The following MNDA variants were observed in gnomAD, a reference collection of about 807,000 sequenced individuals.
MNDA encodes the protein epididymis secretory sperm binding protein.
In MNDA, 43 loss-of-function variants were observed where a neutral mutation model predicts 37.8. The ratio of observed to expected loss-of-function variants is 1.14; its 90% CI spans 0.89 to 1.47. The LOEUF (loss-of-function observed/expected upper bound fraction) is 1.47. Ranked by LOEUF, MNDA falls within the 40% of genes most tolerant of loss-of-function variation. MNDA has a pLI of 0.00. For synonymous variants in MNDA, 181 were observed against 169.0 expected, an observed-to-expected ratio of 1.07 and a Z score of -0.55; for missense variants, 536 against 476.0, an observed-to-expected ratio of 1.13 and a Z score of -1.17.
Position 158,845,695 on chromosome 1 carries a change from TC to T in MNDA, c.683del (p.Pro228GlnfsTer22). The T allele has an allele frequency of 6.2e-7, 1 of 1,613,648 alleles. No individual in the cohort carries two copies. The highest frequency in any genetic ancestry group is 1.1e-5 in the South Asian group (1 of 91,056). The stretch of plus-strand genomic sequence containing the variant: ...AGCAACAGCGCCATTTAAATACGAG[TC>T]CCCAGAAAATGGGAAAAGCACAATG... Reference protein sequence around the residue: ...LKATAPFKYESPENGKSTMFH... With the variant: ...LKATAPFKYEXPENGKSTMFH... On this transcript the variant is annotated frameshift_variant, in exon 5 of 7. Transcript: ENST00000368141. LOFTEE classifies it high-confidence loss of function.
rs1361192281 is a variant in MNDA at position 158,845,911 on chromosome 1, A to T, written c.895A>T (p.Ile299Phe). 1 of 1,614,152 alleles carries T rather than the reference A, an allele frequency of 6.2e-7. No homozygotes were observed. The highest frequency in any genetic ancestry group is 8.5e-7 in the Non-Finnish European group (1 of 1,180,008). ...FNQNFEVPNR[I>F]IEIANKTPKI... ...TCAAAATTTTGAGGTCCCAAACAGA[A>T]TTATCGAAATAGCAAATAAAACTCC... The change falls in exon 5 of 7, where the codon ATT becomes TTT. Residue 299 changes from isoleucine to phenylalanine, a missense_variant. Coordinates refer to ENST00000368141, the MANE Select transcript of MNDA (RefSeq NM_002432.3).
chr1:158,837,819 G>T (rs1658948924), intron 1 of MNDA, among the ~76,000 whole-genome samples: 1 of 148,430 alleles, frequency 6.7e-6, no homozygotes, highest in African/African-American at 2.5e-5. Context: ...ACTTCTTTTT[G>T]TTGATTTTTT....
At chr1:158,840,856 A>C (rs1235207673) in intron 1 of MNDA, among the ~76,000 whole-genome samples, 1 of 152,188 alleles carries the variant, frequency 6.6e-6, no homozygotes, top group Non-Finnish European at 1.5e-5. Flanking sequence ...AGGTTTAAAC[A>C]CAGGAACACT....
chr1:158,835,681 C>T (rs530656724), intron 1 of MNDA, among the ~76,000 whole-genome samples: 2 of 151,442 alleles, frequency 1.3e-5, no homozygotes, highest in African/African-American at 4.8e-5. Context: ...AAAAATCATC[C>T]TTGTCTTTTT....
At chr1:158,842,107 ATGT>A (rs760065749) in intron 1 of MNDA, 24 bp from the exon 2 acceptor site, 2 of 1,545,674 alleles carry the variant, frequency 1.3e-6, no homozygotes, top group South Asian at 2.5e-5. Context: ...TAAATGTGTA[ATGT>A]TGTGTGTCAT....
At chr1:158,833,409 T>C (rs1032943699) in intron 1 of MNDA, among the ~76,000 whole-genome samples, 1 of 152,220 alleles carries the variant, frequency 6.6e-6, no homozygotes, top group Admixed American at 6.5e-5. Context: ...ATTCATATTG[T>C]TGTGCAACCA....
chr1:158,837,015 C>T (rs1658929562), intron 1 of MNDA, among the ~76,000 whole-genome samples: 2 of 151,462 alleles, frequency 1.3e-5, no homozygotes, highest in Admixed American at 6.6e-5. Context: ...TTCTAGTTTT[C>T]TTTCTGTTGA....
intron 5 of MNDA, among the ~76,000 whole-genome samples, chr1:158,847,497 G>A (rs1459589084): frequency 6.6e-6 from 1 of 151,990 alleles, no homozygotes; most frequent in Non-Finnish European, 1.5e-5. Flanking sequence ...AGGAGAAAAA[G>A]AGGGAAATAT....
At chr1:158,838,605 T>C (rs921249979) in intron 1 of MNDA, among the ~76,000 whole-genome samples, 8 of 152,094 alleles carry the variant, frequency 5.3e-5, no homozygotes, top group African/African-American at 1.9e-4. Context: ...TTTGGTTTCT[T>C]ATATCTGTAC....
rs114148387 is a variant in MNDA, at chr1:158,836,683, T to A, written c.-21+5126T>A. 6.2e-3 allele frequency among the ~76,000 whole-genome samples: 949 copies of A among 151,886 alleles called. 11 individuals carry two copies. The highest frequency in any genetic ancestry group is 0.022 in the African/African-American group (908 of 41,554). Reference sequence around the variant, plus strand: ...TTTTCAGAAAACCAACTCTTTTTTTTATTGATTTTCTTTATTATTTTTCTA... The same window carrying A: ...TTTTCAGAAAACCAACTCTTTTTTTAATTGATTTTCTTTATTATTTTTCTA... On this transcript the variant is annotated intron_variant, in intron 1 of 6. Transcript: ENST00000368141.
rs191809163 is a variant in MNDA, at chr1:158,838,293, C to T, written c.-20-3841C>T. Among the ~76,000 whole-genome samples, 5 of 152,040 alleles carry T rather than the reference C, an allele frequency of 3.3e-5. No homozygotes were observed. In the East Asian group the frequency reaches 9.7e-4, roughly 29 times the overall value. On this transcript the variant is annotated intron_variant, in intron 1 of 6. Coordinates refer to ENST00000368141, the MANE Select transcript of MNDA (RefSeq NM_002432.3). ...ATATAGTGGTAATGAAATCCTTCAG[C>T]TTATGTTTATCTGGGAATGTCTTAA...
Position 158,845,587 on chromosome 1 carries a change from A to C in MNDA, c.571A>C (p.Asn191His), listed in dbSNP as rs1276424430. The C allele has an allele frequency of 3.1e-6, 5 of 1,608,034 alleles. No homozygotes were observed. Among genetic ancestry groups the C allele is most frequent in the Non-Finnish European group, 3.4e-6 (4 of 1,177,420 alleles). The change falls in exon 5 of 7, where the codon AAT becomes CAT. Residue 191 changes from asparagine to histidine, a missense_variant and splice_region_variant. By Grantham distance (68) the Asn-to-His change is moderately conservative. Transcript: ENST00000368141. ...ATTTTCTTGTGTCTGCCCAACACAGAATCAGGAAACCCAGGCCCAACGGCA... is the reference window on the plus strand; with the variant it reads ...ATTTTCTTGTGTCTGCCCAACACAGCATCAGGAAACCCAGGCCCAACGGCA... ...STPSNTSFTP[N>H]QETQAQRQVD...
intron 3 of MNDA, 35 bp downstream of exon 3, chr1:158,843,450 C>T (rs1222077556): frequency 6.4e-7 from 1 of 1,556,062 alleles, no homozygotes; most frequent in African/African-American, 1.4e-5. Flanking sequence ...ACTGAAGCCT[C>T]ACAGAAGATA....
At position 158,845,861 on chromosome 1, in the gene MNDA, A is replaced by G. The variant is rs193258470; in HGVS notation, c.845A>G (p.Glu282Gly). ...SECKGVMEIK[E>G]ASSVSDFNQN... Reference sequence around the variant, plus strand: ...TGTAAAGGAGTAATGGAAATAAAGGAAGCATCATCTGTGTCTGACTTTAAT... The same window carrying G: ...TGTAAAGGAGTAATGGAAATAAAGGGAGCATCATCTGTGTCTGACTTTAAT... Residue 282 changes from glutamate (E) to glycine (G), a missense_variant, in exon 5 of 7, where the codon GAA (glutamate) becomes GGA (glycine). Transcript: ENST00000368141. The G allele has an allele frequency of 1.2e-6, 2 of 1,614,206 alleles. No individual in the cohort carries two copies. Among genetic ancestry groups the G allele is most frequent in the East Asian group, 2.2e-5 (1 of 44,888 alleles).
intron 1 of MNDA, among the ~76,000 whole-genome samples, chr1:158,840,317 T>C (rs1360633680): frequency 6.6e-6 from 1 of 152,126 alleles, no homozygotes; most frequent in Non-Finnish European, 1.5e-5. Context: ...TTACTCACAG[T>C]TCCGCACGGC....
chr1:158,849,438 T>C lies in MNDA; in HGVS notation c.*201T>C, dbSNP rs2102053936. ...TTCTTCTTATACTCTTCCTTTTTTTTAGATATTACATTTTGCTTTTATGAC... is the reference window on the plus strand; with the variant it reads ...TTCTTCTTATACTCTTCCTTTTTTTCAGATATTACATTTTGCTTTTATGAC... On this transcript the variant is annotated 3_prime_UTR_variant, in exon 7 of 7. Coordinates refer to ENST00000368141, the MANE Select transcript of MNDA (RefSeq NM_002432.3). The C allele has an allele frequency of 4.1e-6, 2 of 487,718 alleles. No individual in the cohort carries two copies. The highest frequency in any genetic ancestry group is 3.5e-5 in the East Asian group (1 of 28,768). 30.2% of individuals were successfully genotyped at this position (487,718 alleles called of 1,614,324 possible).
At chr1:158,848,371 T>A (rs1659182708) in intron 6 of MNDA, among the ~76,000 whole-genome samples, 1 of 147,102 alleles carries the variant, frequency 6.8e-6, no homozygotes, top group Admixed American at 6.9e-5. Flanking sequence ...TAAACTGATC[T>A]GTGGTAGATA....
At chr1:158,846,169 C>CT (rs1188746955) in intron 5 of MNDA, among the ~76,000 whole-genome samples, 166 bp downstream of exon 5, 2 of 152,300 alleles carry the variant, frequency 1.3e-5, no homozygotes, top group South Asian at 2.1e-4. Context: ...GACCTATTAA[C>CT]TTTCTTACGC....
intron 1 of MNDA, among the ~76,000 whole-genome samples, chr1:158,835,031 T>C (rs553012140): frequency 6.6e-6 from 1 of 152,316 alleles, no homozygotes; most frequent in South Asian, 2.1e-4. Context: ...TTATAACAAG[T>C]TTTGAAAGCA....
Sources: allele counts gnomAD v4.1 joint callset (sites outside exome capture counted in the v4.1 genomes callset), GRCh38; gene constraint gnomAD v4.1.1; transcripts MANE v1.5; gene names NCBI Gene and HGNC (gene_info 2026-07-23, HGNC 2026-07-21).